The following ARL15 variants were observed in gnomAD, a reference collection of about 807,000 sequenced individuals.
The protein encoded by ARL15 is ADP-ribosylation factor-like protein 15.
Under a neutral mutation model 25.2 loss-of-function variants are expected in ARL15, and 19 were observed. The observed-to-expected ratio is 0.75, with a 90% CI of 0.53 to 1.10. The LOEUF (loss-of-function observed/expected upper bound fraction) is 1.10. Ranked by LOEUF, ARL15 falls within the 50% of genes least tolerant of loss-of-function variation. The pLI, the probability that ARL15 is intolerant of heterozygous loss-of-function variation, is 0.00. For missense variants in ARL15, 220 were observed against 246.0 expected (o/e 0.89, Z 0.71); for synonymous variants, 94 against 86.8 (o/e 1.08, Z -0.46).
intron 4 of ARL15, among the ~76,000 whole-genome samples, chr5:53,996,619 A>T (rs1231976210): frequency 9.2e-4 from 38 of 41,330 alleles, no homozygotes; most frequent in African/African-American, 1.4e-3. Flanking sequence ...ACTGTCTCAT[A>T]AAAAAAAAAA....
At chr5:54,052,994 T>C (rs1448236211) in intron 4 of ARL15, among the ~76,000 whole-genome samples, 1 of 152,054 alleles carries the variant, frequency 6.6e-6, no homozygotes, top group Admixed American at 6.6e-5. Context: ...CCCACAACGA[T>C]GAGGCTATGT....
At chr5:53,935,626 G>A (rs560076366) in intron 4 of ARL15, among the ~76,000 whole-genome samples, 9 of 152,280 alleles carry the variant, frequency 5.9e-5, no homozygotes, top group African/African-American at 2.2e-4. Flanking sequence ...TGGATTCCTG[G>A]GTAAACCTGG....
intron 1 of ARL15, among the ~76,000 whole-genome samples, chr5:54,301,715 C>T (rs1758620329): frequency 6.6e-6 from 1 of 152,144 alleles, no homozygotes; most frequent in Non-Finnish European, 1.5e-5. Context: ...TCCTGGAGTG[C>T]CTCCAGATTG....
chr5:53,972,177 CA>C (rs966259629), intron 4 of ARL15, among the ~76,000 whole-genome samples: 7 of 151,540 alleles, frequency 4.6e-5, no homozygotes, highest in East Asian at 1.9e-4. Flanking sequence ...GGAAATTAAA[CA>C]AAAAAAACCC....
At chr5:54,061,883 C>T (rs562327028) in intron 4 of ARL15, among the ~76,000 whole-genome samples, 22 of 152,244 alleles carry the variant, frequency 1.4e-4, no homozygotes, top group African/African-American at 3.9e-4. Context: ...ACCTTGCACC[C>T]GGATAAGCCA....
rs1017644276 is a variant in ARL15, at chr5:54,117,353, G to T, written c.254-3943C>A. On this transcript the variant is annotated intron_variant, in intron 3 of 4. Transcript: ENST00000504924. Reference sequence around the variant, plus strand: ...ACATTTAGGAGTACATATGGTACCTGCAAATAGTGAGACACATACACACAC... The same window carrying T: ...ACATTTAGGAGTACATATGGTACCTTCAAATAGTGAGACACATACACACAC... 3.2e-5 allele frequency among the ~76,000 whole-genome samples: 4 copies of T among 125,548 alleles called. No individual in the cohort carries two copies. In the Admixed American group the frequency reaches 3.4e-4, roughly 11 times the overall value. 82.4% of individuals were successfully genotyped at this position (125,548 alleles called of 152,430 possible). A position where few individuals can be genotyped will look rare whatever the true frequency, so the allele number is the denominator to read the frequency against.
At chr5:54,023,253 T>C (rs1749672629) in intron 4 of ARL15, among the ~76,000 whole-genome samples, 1 of 151,834 alleles carries the variant, frequency 6.6e-6, no homozygotes, top group African/African-American at 2.4e-5. Context: ...AGATTATGGA[T>C]GTACAGTGTA....
At chr5:53,990,256 A>G (rs1748440543) in intron 4 of ARL15, among the ~76,000 whole-genome samples, 1 of 152,074 alleles carries the variant, frequency 6.6e-6, no homozygotes, top group Non-Finnish European at 1.5e-5. Flanking sequence ...GTTAAAAAAA[A>G]ACACATCATA....
intron 4 of ARL15, among the ~76,000 whole-genome samples, chr5:54,028,693 A>G (rs1013126399): frequency 2.0e-5 from 3 of 152,162 alleles, no homozygotes; most frequent in Admixed American, 2.0e-4. Context: ...CTCTCTCTGA[A>G]TACACTAAGT....
chr5:54,299,155 G>A lies in ARL15; in HGVS notation c.48+11277C>T, dbSNP rs1480277761. Among the ~76,000 whole-genome samples, 3 of 152,142 alleles carry A rather than the reference G, an allele frequency of 2.0e-5. No homozygotes were observed. The East Asian group carries it at 5.8e-4, about 29-fold the overall frequency. ...GGCCCCAAGTGATCCTCCCGCCTTG[G>A]CCTCCAAAAGTGCTGAGATTACAGG... On this transcript the variant is annotated intron_variant, in intron 1 of 4. Transcript: ENST00000504924.
At chr5:54,256,630 A>G (rs1235983205) in intron 1 of ARL15, among the ~76,000 whole-genome samples, 229 of 150,972 alleles carry the variant, frequency 1.5e-3, no homozygotes, top group African/African-American at 4.8e-3. Flanking sequence ...AAAAAAAGAA[A>G]AAGAAAGAAA....
intron 4 of ARL15, among the ~76,000 whole-genome samples, chr5:53,928,267 G>T (rs1370151148): frequency 6.6e-6 from 1 of 152,220 alleles, no homozygotes; most frequent in Non-Finnish European, 1.5e-5. Flanking sequence ...AATGAGGGCA[G>T]TATTTTAGGA....
chr5:54,156,605 T>C (rs146146899), intron 2 of ARL15, among the ~76,000 whole-genome samples: 29 of 152,332 alleles, frequency 1.9e-4, no homozygotes, highest in Admixed American at 6.5e-4. Context: ...AAAGTTACCA[T>C]TGAATGAAAA....
chr5:54,134,775 A>G (rs157070), intron 3 of ARL15, among the ~76,000 whole-genome samples: 134,164 of 151,580 alleles, frequency 0.89, 59,630 homozygotes, highest in East Asian at 0.98. Context: ...AGTAGAGATG[A>G]GGTTTCACCA....
intron 1 of ARL15, among the ~76,000 whole-genome samples, chr5:54,184,104 T>C (rs1355496793): frequency 3.8e-5 from 1 of 26,254 alleles, no homozygotes; most frequent in Non-Finnish European, 6.2e-5. Context: ...TGTGGTGGGG[T>C]GGGGGGAGGG....
rs547481105 is a variant in ARL15, at chr5:54,191,529, C to T, written c.49-19601G>A. The stretch of plus-strand genomic sequence containing the variant: ...AAAAAAAATCCCACAATTTATAACT[C>T]ATCCCAAACCTATTCCTCCTGAAAC... On this transcript the variant is annotated intron_variant, in intron 1 of 4. Transcript: ENST00000504924. Among the ~76,000 whole-genome samples the T allele has an allele frequency of 1.4e-4, 21 of 152,178 alleles. No homozygotes were observed. The East Asian group carries it at 3.9e-3, about 28-fold the overall frequency.
At chr5:54,259,617 C>T (rs1323776705) in intron 1 of ARL15, among the ~76,000 whole-genome samples, 1 of 151,920 alleles carries the variant, frequency 6.6e-6, no homozygotes, top group Non-Finnish European at 1.5e-5. Context: ...ATTCAGACAC[C>T]CAAAAATCAA....
chr5:54,269,980 T>C (rs890379640), intron 1 of ARL15, among the ~76,000 whole-genome samples: 11 of 152,226 alleles, frequency 7.2e-5, no homozygotes, highest in Non-Finnish European at 1.2e-4. Context: ...TGAGATACAG[T>C]TCAGCATCAG....
chr5:54,024,617 G>A (rs865992934), intron 4 of ARL15, among the ~76,000 whole-genome samples: 1 of 152,010 alleles, frequency 6.6e-6, no homozygotes, highest in African/African-American at 2.4e-5. Flanking sequence ...GAGTTACTTT[G>A]CAAATATTCA....
Sources: allele counts gnomAD v4.1 joint callset (sites outside exome capture counted in the v4.1 genomes callset), GRCh38; gene constraint gnomAD v4.1.1; transcripts MANE v1.5; gene names NCBI Gene and HGNC (gene_info 2026-07-23, HGNC 2026-07-21).